ZNF354A: variants seen among roughly 807,000 people sequenced by gnomAD.
ZNF354A encodes the protein zinc finger protein 354A.
A neutral mutation model predicts 53.3 loss-of-function variants in ZNF354A; 25 were observed. That is an observed-to-expected ratio of 0.47 (90% CI 0.34 to 0.66). The LOEUF is 0.66. Among genes scored for constraint, ZNF354A ranks in the 30% least tolerant of loss-of-function variants. The pLI, the probability that ZNF354A is intolerant of heterozygous loss-of-function variation, is 0.01. For missense variants in ZNF354A, 586 were observed against 716.8 expected (o/e 0.82, Z 2.08); for synonymous variants, 228 against 249.0 (o/e 0.92, Z 0.79).
intron 1 of ZNF354A, among the ~76,000 whole-genome samples, chr5:178,729,896 G>T (rs1378071701): frequency 1.1e-4 from 11 of 97,340 alleles, no homozygotes; most frequent in African/African-American, 2.9e-4. Context: ...ACGGAGTCTC[G>T]CTCTGTCGCT....
In ZNF354A at chr5:178,712,274, G is replaced by A; in HGVS notation, c.1604C>T (p.Ser535Leu). 6.2e-7 allele frequency: 1 copy of A among 1,614,086 alleles called. No homozygotes were observed. Among genetic ancestry groups the A allele is most frequent in the Non-Finnish European group, 8.5e-7 (1 of 1,179,978 alleles). The change falls in exon 5 of 5, where the codon TCA becomes TTA. Residue 535 changes from serine to leucine, a missense_variant. Around this residue, in one of 2 missense-constraint regions of ZNF354A, gnomAD observed 573 missense variants for 680.1 expected, o/e 0.84. Coordinates refer to ENST00000335815, the MANE Select transcript of ZNF354A (RefSeq NM_005649.3). ...EECGISFGQS[S>L]ALIQHRRIHT... is the part of the protein sequence containing the mutation. ...AATCCTTCGATGCTGAATAAGAGCTGAACTTTGGCCAAAAGATATCCCACA... is the reference window on the plus strand; with the variant it reads ...AATCCTTCGATGCTGAATAAGAGCTAAACTTTGGCCAAAAGATATCCCACA...
At chr5:178,727,454 C>T (rs192956625) in intron 2 of ZNF354A, among the ~76,000 whole-genome samples, 3 of 152,184 alleles carry the variant, frequency 2.0e-5, no homozygotes, top group Non-Finnish European at 4.4e-5. Context: ...ACCAATTACT[C>T]TATTTGTACG....
In ZNF354A at chr5:178,713,309, T is replaced by C; in HGVS notation, c.569A>G (p.Glu190Gly). The C allele has an allele frequency of 6.2e-7, 1 of 1,614,176 alleles. No homozygotes were observed. The change falls in exon 5 of 5, where the codon GAA becomes GGA. Residue 190 changes from glutamate to glycine, a missense_variant. By Grantham distance (98) the Glu-to-Gly change is moderately conservative. Coordinates refer to ENST00000335815, the MANE Select transcript of ZNF354A (RefSeq NM_005649.3). ...CTGTTTGAGGCTGTTTCCTTGTATT[T>C]CACATTTTGGTGGTGTTTTTTCTCT... ...LPREKTPPKC[E>G]IQGNSLKQNS...
chr5:178,716,794 C>G (rs886969526), intron 4 of ZNF354A, among the ~76,000 whole-genome samples: 1 of 151,834 alleles, frequency 6.6e-6, no homozygotes, highest in East Asian at 1.9e-4. Context: ...AAGCCTGGAA[C>G]GGGGCCGGGC....
At chr5:178,725,784 A>C (rs1465534290) in intron 3 of ZNF354A, among the ~76,000 whole-genome samples, 2 of 152,218 alleles carry the variant, frequency 1.3e-5, no homozygotes, top group African/African-American at 4.8e-5. Context: ...AGAATTTCTA[A>C]GTAGGTTATC....
intron 4 of ZNF354A, among the ~76,000 whole-genome samples, chr5:178,716,230 A>G (rs958554011): frequency 3.9e-5 from 6 of 152,084 alleles, no homozygotes; most frequent in Non-Finnish European, 2.9e-5. Flanking sequence ...CTATGTGGCA[A>G]ACTTCCTTAA....
chr5:178,717,892 T>C (rs1765743164), intron 4 of ZNF354A, among the ~76,000 whole-genome samples: 1 of 152,160 alleles, frequency 6.6e-6, no homozygotes, highest in African/African-American at 2.4e-5. Context: ...AGACGGAGGT[T>C]GTTTGGGATT....
rs1765637544 is a variant in ZNF354A, at chr5:178,712,483, T to C, written c.1395A>G (p.Pro465=). 5 of 1,614,138 alleles carry C rather than the reference T, an allele frequency of 3.1e-6. No individual in the cohort carries two copies. Among genetic ancestry groups the C allele is most frequent in the South Asian group, 1.1e-5 (1 of 91,082 alleles). Residue 465 remains proline, a synonymous_variant, in exon 5 of 5, where the codon CCA becomes CCG. Transcript: ENST00000335815. The stretch of plus-strand genomic sequence containing the variant: ...CTTTTCCACATACTTTACATTTACA[T>C]GGTTTTTCTCCAGTATGAATTCGCT... The part of the protein sequence containing the change: ...IHERIHTGEK[P]CKCKVCGKAF...
intron 4 of ZNF354A, among the ~76,000 whole-genome samples, chr5:178,718,239 A>G (rs1240970739): frequency 6.6e-6 from 1 of 152,228 alleles, no homozygotes; most frequent in Non-Finnish European, 1.5e-5. Flanking sequence ...CTAGAGGCCT[A>G]CAAATAGGTC....
rs1034065942 is a variant in ZNF354A at position 178,728,335 on chromosome 5, T to C, written c.33+655A>G. Among the ~76,000 whole-genome samples, 6 of 152,288 alleles carry C rather than the reference T, an allele frequency of 3.9e-5. No individual in the cohort carries two copies. In the South Asian group the frequency reaches 1.0e-3, roughly 26 times the overall value. ...GATAGCGATGATGGCTGCACAGCAATGCGGAAGTACCTAAAATACCACTGA... is the reference window on the plus strand; with the variant it reads ...GATAGCGATGATGGCTGCACAGCAACGCGGAAGTACCTAAAATACCACTGA... On this transcript the variant is annotated intron_variant, in intron 2 of 4. Transcript: ENST00000335815.
intron 4 of ZNF354A, among the ~76,000 whole-genome samples, chr5:178,719,581 C>G (rs1334719620): frequency 6.6e-6 from 1 of 152,200 alleles, no homozygotes; most frequent in Non-Finnish European, 1.5e-5. Context: ...AGTCAGTTTT[C>G]CAGACTTATT....
intron 4 of ZNF354A, among the ~76,000 whole-genome samples, chr5:178,720,474 G>T (rs1466377246): frequency 1.3e-5 from 2 of 152,166 alleles, no homozygotes; most frequent in African/African-American, 2.4e-5. Context: ...GAAGACACCG[G>T]GCGAACACAG....
rs1385109635 is a variant in ZNF354A, at chr5:178,712,046, T to C, written c.*14A>G. On this transcript the variant is annotated 3_prime_UTR_variant, in exon 5 of 5. Transcript: ENST00000335815. The stretch of plus-strand genomic sequence containing the variant: ...AGCTTTGGTTTAAGGCTTTCACACA[T>C]ACAAATCTACTTTCTAGGGGTCCTC... 1.3e-6 allele frequency: 2 copies of C among 1,561,654 alleles called. No individual in the cohort carries two copies. Among genetic ancestry groups the C allele is most frequent in the Admixed American group, 1.9e-5 (1 of 51,570 alleles).
At chr5:178,718,106 G>T (rs1435650054) in intron 4 of ZNF354A, among the ~76,000 whole-genome samples, 1 of 152,086 alleles carries the variant, frequency 6.6e-6, no homozygotes, top group Non-Finnish European at 1.5e-5. Context: ...ATCAATTCTG[G>T]AAAACTCATC....
At position 178,713,289 on chromosome 5, in the gene ZNF354A, T is replaced by G; in HGVS notation, c.589A>C (p.Lys197Gln). ...TGATTAAGTAATTGTGAATTCTGTT[T>G]GAGGCTGTTTCCTTGTATTTCACAT... ...PKCEIQGNSL[K>Q]QNSQLLNQPK... Residue 197 changes from lysine (K) to glutamine (Q), a missense_variant, in exon 5 of 5, where the codon AAA (lysine) becomes CAA (glutamine). Lys to Gln is a moderately conservative substitution (Grantham distance 53). This residue lies in a region of ZNF354A where 573 missense variants were observed against 680.1 expected (regional missense o/e 0.84). Transcript: ENST00000335815. The G allele has an allele frequency of 6.2e-7, 1 of 1,614,200 alleles. No homozygotes were observed. The highest frequency in any genetic ancestry group is 1.7e-5 in the Admixed American group (1 of 60,030).
rs1352025845 is a variant in ZNF354A, at chr5:178,713,194, G to A, written c.684C>T (p.Ser228=). The part of the protein sequence containing the change: ...LCEKTFINTS[S]LRKHEKNHSG... The stretch of plus-strand genomic sequence containing the variant: ...TATGGTTTTTCTCATGTTTACGAAG[G>A]GATGAAGTGTTAATGAAGGTTTTTT... The change falls in exon 5 of 5, where the codon TCC becomes TCT. Residue 228 remains serine, a synonymous_variant. Coordinates refer to ENST00000335815, the MANE Select transcript of ZNF354A (RefSeq NM_005649.3). The A allele has an allele frequency of 6.2e-7, 1 of 1,613,988 alleles. No homozygotes were observed. Among genetic ancestry groups the A allele is most frequent in the African/African-American group, 1.3e-5 (1 of 74,930 alleles).
rs201342253 is a variant in ZNF354A at position 178,712,378 on chromosome 5, C to G, written c.1500G>C (p.Gly500=). The change falls in exon 5 of 5, where the codon GGG becomes GGC. Residue 500 remains glycine, a synonymous_variant. Coordinates refer to ENST00000335815, the MANE Select transcript of ZNF354A (RefSeq NM_005649.3). Reference sequence around the variant, plus strand: ...GTGATGAGTTACACCTGAATGTTTTCCCACACTCGTTACATTTATAGGGTC... The same window carrying G: ...GTGATGAGTTACACCTGAATGTTTTGCCACACTCGTTACATTTATAGGGTC... ...GERPYKCNEC[G]KTFRCNSSLS... is the part of the protein sequence containing the mutation. 6,714 of 1,601,774 alleles carry G rather than the reference C, an allele frequency of 4.2e-3. 86 individuals carry two copies. Among genetic ancestry groups the G allele is most frequent in the Middle Eastern group, 9.5e-3 (56 of 5,922 alleles).
chr5:178,715,631 C>T (rs143166811), intron 4 of ZNF354A, among the ~76,000 whole-genome samples: 10 of 152,194 alleles, frequency 6.6e-5, no homozygotes, highest in East Asian at 1.9e-4. Flanking sequence ...GAATATCGGT[C>T]GTTGTTTCTA....
chr5:178,720,074 C>A (rs1765784850), intron 4 of ZNF354A, among the ~76,000 whole-genome samples: 2 of 152,212 alleles, frequency 1.3e-5, no homozygotes, highest in Admixed American at 1.3e-4. Context: ...TATTTGTAAA[C>A]ATCCTCTATC....
Sources: allele counts gnomAD v4.1 joint callset (sites outside exome capture counted in the v4.1 genomes callset), GRCh38; gene constraint gnomAD v4.1.1; regional missense constraint gnomAD v4.1.1; transcripts MANE v1.5; gene names NCBI Gene and HGNC (gene_info 2026-07-23, HGNC 2026-07-21).